SETD6: variants seen among roughly 807,000 people sequenced by gnomAD.
SETD6 encodes the protein SET domain containing 6, protein lysine methyltransferase.
SETD6 carries 67 observed loss-of-function variants against 52.7 expected under a neutral mutation model. The observed-to-expected ratio is 1.27, with a 90% confidence interval of 1.04 to 1.56. The LOEUF (loss-of-function observed/expected upper bound fraction) is 1.56. SETD6 is among the 40% of genes most tolerant of loss of function. The pLI is 0.00. For synonymous variants in SETD6, 307 were observed against 250.2 expected, an observed-to-expected ratio of 1.23 and a Z score of -2.14; for missense variants, 712 against 607.5, an observed-to-expected ratio of 1.17 and a Z score of -1.81.
chr16:58,516,675 C>T lies in SETD6; in HGVS notation c.671+3C>T. On this transcript the variant is annotated splice_donor_region_variant and intron_variant, in intron 4 of 7. Coordinates refer to ENST00000219315, the MANE Select transcript of SETD6 (RefSeq NM_001160305.4). Reference sequence around the variant, plus strand: ...GTGGCCCTTGTGATGGCCTATAGGTCAGTGGGTGGGGCCTCTGAGGACGGA... The same window carrying T: ...GTGGCCCTTGTGATGGCCTATAGGTTAGTGGGTGGGGCCTCTGAGGACGGA... 6.2e-7 allele frequency: 1 copy of T among 1,612,600 alleles called. No individual in the cohort carries two copies. The highest frequency in any genetic ancestry group is 8.5e-7 in the Non-Finnish European group (1 of 1,179,122).
Position 58,523,517 on chromosome 16 carries a change from A to G in SETD6, c.*4488A>G. 1 of 1,613,424 alleles carries G rather than the reference A, an allele frequency of 6.2e-7. No homozygotes were observed. The highest frequency in any genetic ancestry group is 8.5e-7 in the Non-Finnish European group (1 of 1,179,636). On this transcript the variant is annotated 3_prime_UTR_variant, in exon 8 of 8. Coordinates refer to ENST00000219315, the MANE Select transcript of SETD6 (RefSeq NM_001160305.4). Reference sequence around the variant, plus strand: ...GAGATAGCGACCTAGAAATTAAGAAACCTTGACTTAGGACTTAGTCTGAAA... The same window carrying G: ...GAGATAGCGACCTAGAAATTAAGAAGCCTTGACTTAGGACTTAGTCTGAAA...
rs753858298 is a variant in SETD6 at position 58,519,079 on chromosome 16, T to C, written c.*50T>C. 3.3e-6 allele frequency: 5 copies of C among 1,501,958 alleles called. No individual in the cohort carries two copies. Among genetic ancestry groups the C allele is most frequent in the Non-Finnish European group, 4.5e-6 (5 of 1,118,282 alleles). 93.0% of individuals were successfully genotyped at this position (1,501,958 alleles called of 1,614,324 possible). On this transcript the variant is annotated 3_prime_UTR_variant, in exon 8 of 8. Transcript: ENST00000219315. Reference sequence around the variant, plus strand: ...CAGCAATAAGAACTTTATTCTAAGCTAATACTCATTGATGTTTGAAAAAGA... The same window carrying C: ...CAGCAATAAGAACTTTATTCTAAGCCAATACTCATTGATGTTTGAAAAAGA...
rs537030907 is a variant in SETD6, at chr16:58,515,905, A to C, written c.142A>C (p.Arg48=). The change falls in exon 2 of 8, where the codon AGG becomes CGG. Residue 48 remains arginine (R), a synonymous_variant. Coordinates refer to ENST00000219315, the MANE Select transcript of SETD6 (RefSeq NM_001160305.4). ...PKVSERAGGR[R]TRGGARAALT... is the part of the protein sequence containing the mutation. ...GGTGAGCGAGCGAGCCGGCGGGCGG[A>C]GGACCCGCGGCGGGGCGCGGGCTGC... 3 of 1,504,886 alleles carry C rather than the reference A, an allele frequency of 2.0e-6. No individual in the cohort carries two copies. Among genetic ancestry groups the C allele is most frequent in the African/African-American group, 2.9e-5 (2 of 69,040 alleles). 93.2% of individuals were successfully genotyped at this position (1,504,886 alleles called of 1,614,324 possible). A position where few individuals can be genotyped will look rare whatever the true frequency, so the allele number is the denominator to read the frequency against.
At position 58,516,503 on chromosome 16, in the gene SETD6, C is replaced by A; in HGVS notation, c.502C>A (p.Leu168Ile). Residue 168 changes from leucine (L) to isoleucine (I), a missense_variant, in exon 4 of 8, where the codon CTC becomes ATC. Physicochemically the swap from Leu to Ile is conservative, Grantham distance 5. Coordinates refer to ENST00000219315, the MANE Select transcript of SETD6 (RefSeq NM_001160305.4). ...GCCAGAGGAGGAGCGCCGGTGCCTGCTCCAGGGCACAGGCGTACCTGAGGC... is the reference window on the plus strand; with the variant it reads ...GCCAGAGGAGGAGCGCCGGTGCCTGATCCAGGGCACAGGCGTACCTGAGGC... ...FWPEEERRCL[L>I]QGTGVPEAVE... 6.2e-7 allele frequency: 1 copy of A among 1,614,038 alleles called. No homozygotes were observed.
rs763070247 is a variant in SETD6, at chr16:58,516,309, C to T, written c.442C>T (p.Pro148Ser). Residue 148 changes from proline to serine, a missense_variant, in exon 3 of 8, where the codon CCC becomes TCC. Pro to Ser is a moderately conservative substitution (Grantham distance 74). Coordinates refer to ENST00000219315, the MANE Select transcript of SETD6 (RefSeq NM_001160305.4). ...CTGGAGGCCCTACTTTGCGCTCTGGCCCGAGCTGGGCCGCTTGGAGCACCC... is the reference window on the plus strand; with the variant it reads ...CTGGAGGCCCTACTTTGCGCTCTGGTCCGAGCTGGGCCGCTTGGAGCACCC... ...SRWRPYFALW[P>S]ELGRLEHPMF... 24 of 1,606,624 alleles carry T rather than the reference C, an allele frequency of 1.5e-5. No individual in the cohort carries two copies. The highest frequency in any genetic ancestry group is 1.9e-5 in the Non-Finnish European group (23 of 1,179,888).
chr16:58,515,737 T>C, intron 1 of SETD6, 54 bp from the exon 2 acceptor site: 4 of 1,412,016 alleles, frequency 2.8e-6, no homozygotes, highest in East Asian at 2.9e-5. Context: ...TCTCCTGCAG[T>C]TCCCAGCGGC....
chr16:58,515,790 G>T lies in SETD6; in HGVS notation c.28-1G>T. The T allele has an allele frequency of 6.6e-7, 1 of 1,503,944 alleles. No individual in the cohort carries two copies. 93.2% of individuals were successfully genotyped at this position (1,503,944 alleles called of 1,614,324 possible). ...CTGGTCACTGCGCGCACTTATCTCA[G>T]GTGGCGGGGCCCGTGGACGGCGGCG... On this transcript the variant is annotated splice_acceptor_variant, in intron 1 of 7. Coordinates refer to ENST00000219315, the MANE Select transcript of SETD6 (RefSeq NM_001160305.4). LOFTEE classifies it high-confidence loss of function.
At chr16:58,517,214 C>A (rs1364489940) in intron 5 of SETD6, 9 of 424,602 alleles carry the variant, frequency 2.1e-5, no homozygotes, top group Non-Finnish European at 3.5e-5. Context: ...CTGATCACAT[C>A]AGTGAGCCCA....
chr16:58,518,166 A>G lies in SETD6; in HGVS notation c.908A>G (p.Tyr303Cys). ...CATATGTACGGTTTTGTTGAACCAT[A>G]TCCTGACAACACAGATGACACAGCT... ...LIHMYGFVEPYPDNTDDTADI... is the reference protein window; with the variant it reads ...LIHMYGFVEPCPDNTDDTADI... Residue 303 changes from tyrosine (Y) to cysteine (C), a missense_variant, in exon 6 of 8, where the codon TAT becomes TGT. By Grantham distance (194) the Tyr-to-Cys change is radical. Coordinates refer to ENST00000219315, the MANE Select transcript of SETD6 (RefSeq NM_001160305.4). 5 of 1,614,210 alleles carry G rather than the reference A, an allele frequency of 3.1e-6. No individual in the cohort carries two copies. The highest frequency in any genetic ancestry group is 4.2e-6 in the Non-Finnish European group (5 of 1,180,038).
In SETD6 at chr16:58,516,537, A is replaced by G; in HGVS notation, c.536A>G (p.Lys179Arg). ...QGTGVPEAVE[K>R]DLANIRSEYQ... ...ACAGGCGTACCTGAGGCCGTGGAGA[A>G]GGATTTGGCCAACATCCGCAGCGAG... Residue 179 changes from lysine (K) to arginine (R), a missense_variant, in exon 4 of 8, where the codon AAG becomes AGG. Coordinates refer to ENST00000219315, the MANE Select transcript of SETD6 (RefSeq NM_001160305.4). The G allele has an allele frequency of 6.2e-7, 1 of 1,614,112 alleles. No homozygotes were observed. The highest frequency in any genetic ancestry group is 8.5e-7 in the Non-Finnish European group (1 of 1,180,016).
At position 58,523,177 on chromosome 16, in the gene SETD6, G is replaced by T; in HGVS notation, c.*4148G>T. On this transcript the variant is annotated 3_prime_UTR_variant, in exon 8 of 8. Transcript: ENST00000219315. ...CGAGAATCGCTTGAACCTGGGAGGC[G>T]GAGGTTGCAGTGAGCCAAGATGGCG... 2.5e-6 allele frequency: 1 copy of T among 398,736 alleles called. No homozygotes were observed. The allele number at this position is 398,736 out of a possible 1,614,324, so 24.7% of individuals were successfully genotyped here.
chr16:58,520,464 A>C lies in SETD6; in HGVS notation c.*1435A>C, dbSNP rs1351272573. The C allele has an allele frequency of 1.9e-5, 3 of 160,580 alleles. No individual in the cohort carries two copies. The highest frequency in any genetic ancestry group is 4.8e-5 in the African/African-American group (2 of 41,572). The allele number at this position is 160,580 out of a possible 1,614,324, so 9.9% of individuals were successfully genotyped here. On this transcript the variant is annotated 3_prime_UTR_variant, in exon 8 of 8. Transcript: ENST00000219315. ...ACATATCCAATTCTAGCACATCCAC[A>C]TTTTTAATAACTTAGTGATTTTCAA... is the stretch of plus-strand genomic sequence containing the variant.
Position 58,521,331 on chromosome 16 carries a change from G to A in SETD6, c.*2302G>A. 1 of 1,593,474 alleles carries A rather than the reference G, an allele frequency of 6.3e-7. No individual in the cohort carries two copies. Among genetic ancestry groups the A allele is most frequent in the South Asian group, 1.2e-5 (1 of 86,638 alleles). ...TCCAAGAGAACTCTGGAAAAAGGGAGAAAGAGCTAGTTAATGTATAGAAGC... is the reference window on the plus strand; with the variant it reads ...TCCAAGAGAACTCTGGAAAAAGGGAAAAAGAGCTAGTTAATGTATAGAAGC... On this transcript the variant is annotated 3_prime_UTR_variant, in exon 8 of 8. Transcript: ENST00000219315.
chr16:58,518,014 T>C (rs1472449972), intron 5 of SETD6, 37 bp from the exon 6 acceptor site: 1 of 1,613,828 alleles, frequency 6.2e-7, no homozygotes, highest in Non-Finnish European at 8.5e-7. Context: ...GGCTGGCCCG[T>C]GAAAGGCATG....
Position 58,515,825 on chromosome 16 carries a change from C to G in SETD6, c.62C>G (p.Pro21Arg). The G allele has an allele frequency of 6.5e-7, 1 of 1,538,632 alleles. No homozygotes were observed. The highest frequency in any genetic ancestry group is 8.7e-7 in the Non-Finnish European group (1 of 1,152,012). Reference protein sequence around the residue: ...AGPVDGGDLDPVACFLSWCRR... With the variant: ...AGPVDGGDLDRVACFLSWCRR... ...CCCGTGGACGGCGGCGACCTGGATCCTGTGGCCTGCTTCCTGAGCTGGTGC... is the reference window on the plus strand; with the variant it reads ...CCCGTGGACGGCGGCGACCTGGATCGTGTGGCCTGCTTCCTGAGCTGGTGC... Residue 21 changes from proline (P) to arginine (R), a missense_variant, in exon 2 of 8, where the codon CCT becomes CGT. Coordinates refer to ENST00000219315, the MANE Select transcript of SETD6 (RefSeq NM_001160305.4).
Position 58,515,982 on chromosome 16 carries a change from C to G in SETD6, c.219C>G (p.Ala73=). 2 of 1,538,712 alleles carry G rather than the reference C, an allele frequency of 1.3e-6. No homozygotes were observed. The highest frequency in any genetic ancestry group is 1.7e-6 in the Non-Finnish European group (2 of 1,152,644). The part of the protein sequence containing the change: ...QVAVSRQGTV[A]GYGMVARESV... ...CGGTCAGCCGGCAGGGCACGGTGGC[C>G]GGCTACGGCATGGTGGCCCGGGAGA... The change falls in exon 2 of 8, where the codon GCC becomes GCG. Residue 73 remains alanine, a synonymous_variant. Coordinates refer to ENST00000219315, the MANE Select transcript of SETD6 (RefSeq NM_001160305.4).
chr16:58,518,233 T>A lies in SETD6; in HGVS notation c.973+2T>A. 2 of 1,614,174 alleles carry A rather than the reference T, an allele frequency of 1.2e-6. No homozygotes were observed. Among genetic ancestry groups the A allele is most frequent in the Non-Finnish European group, 1.7e-6 (2 of 1,180,014 alleles). ...CAGTTCGTGAGGCAGCATTACAGGG[T>A]GAGTGTATCATTAACTCAATATTTG... On this transcript the variant is annotated splice_donor_variant, in intron 6 of 7. Coordinates refer to ENST00000219315, the MANE Select transcript of SETD6 (RefSeq NM_001160305.4). LOFTEE classifies it high-confidence loss of function.
intron 7 of SETD6, 44 bp downstream of exon 7, chr16:58,518,587 T>C (rs761843448): frequency 1.9e-6 from 3 of 1,587,240 alleles, no homozygotes; most frequent in Non-Finnish European, 2.6e-6. Flanking sequence ...AATCTAAGTA[T>C]TTAAAGCAAA....
Position 58,519,110 on chromosome 16 carries a change from A to G in SETD6, c.*81A>G, listed in dbSNP as rs1185027022. The G allele has an allele frequency of 7.2e-7, 1 of 1,389,526 alleles. No individual in the cohort carries two copies. The highest frequency in any genetic ancestry group is 2.4e-5 in the East Asian group (1 of 42,070). The allele number at this position is 1,389,526 out of a possible 1,614,324, so 86.1% of individuals were successfully genotyped here. ...TCATTGATGTTTGAAAAAGAGGAAA[A>G]TTTGGATCTTTCTTTTGCTTACTAA... On this transcript the variant is annotated 3_prime_UTR_variant, in exon 8 of 8. Transcript: ENST00000219315.
Sources: allele counts gnomAD v4.1 joint callset, GRCh38; gene constraint gnomAD v4.1.1; transcripts MANE v1.5; gene names NCBI Gene and HGNC (gene_info 2026-07-23, HGNC 2026-07-21).